LRRFIP1: variants seen among roughly 807,000 people sequenced by gnomAD.
The protein encoded by LRRFIP1 is leucine-rich repeat flightless-interacting protein 1.
Under a neutral mutation model 104.4 loss-of-function variants are expected in LRRFIP1, and 62 were observed. The ratio of observed to expected loss-of-function variants is 0.59; its 90% confidence interval spans 0.48 to 0.73. The LOEUF (loss-of-function observed/expected upper bound fraction) is 0.73. Among genes scored for constraint, LRRFIP1 ranks in the 30% least tolerant of loss-of-function variants. The pLI, the probability that LRRFIP1 is intolerant of heterozygous loss-of-function variation, is 0.00. For synonymous variants in LRRFIP1, 300 were observed against 299.0 expected (o/e 1.00, Z -0.03); for missense variants, 796 against 824.5 (o/e 0.97, Z 0.42).
At chr2:237,761,441 C>A (rs987416293) in intron 19 of LRRFIP1, among the ~76,000 whole-genome samples, 219 of 152,268 alleles carry the variant, frequency 1.4e-3, no homozygotes, top group African/African-American at 5.1e-3. Context: ...ATGAGCTACC[C>A]GAACAGCTAG....
At chr2:237,754,950 C>T (rs2059101210) in intron 15 of LRRFIP1, among the ~76,000 whole-genome samples, 1 of 152,140 alleles carries the variant, frequency 6.6e-6, no homozygotes, top group African/African-American at 2.4e-5. Flanking sequence ...CATGCAAAGC[C>T]CCACAGGAGG....
At chr2:237,714,641 T>TA (rs1293930301) in intron 3 of LRRFIP1, among the ~76,000 whole-genome samples, 2 of 152,344 alleles carry the variant, frequency 1.3e-5, no homozygotes, top group East Asian at 3.9e-4. Flanking sequence ...TTAGAAAACT[T>TA]AAAAAATTCC....
chr2:237,694,290 G>A (rs139430649), intron 1 of LRRFIP1, among the ~76,000 whole-genome samples: 174 of 152,282 alleles, frequency 1.1e-3, no homozygotes, highest in Non-Finnish European at 2.2e-3. Flanking sequence ...TCTGAATCAT[G>A]GCCCCAAGGG....
intron 1 of LRRFIP1, among the ~76,000 whole-genome samples, chr2:237,698,412 C>T (rs548506695): frequency 1.3e-5 from 2 of 152,390 alleles, no homozygotes; most frequent in African/African-American, 4.8e-5. Flanking sequence ...TCTTGACAGT[C>T]TGCACCTGCA....
At chr2:237,737,723 T>G (rs972171908) in intron 10 of LRRFIP1, among the ~76,000 whole-genome samples, 7 of 152,200 alleles carry the variant, frequency 4.6e-5, no homozygotes, top group Admixed American at 2.6e-4. Flanking sequence ...TTTCCTTATT[T>G]TCAACAAGAA....
At chr2:237,773,886 C>T (rs77824440) in intron 22 of LRRFIP1, 5,083 of 158,962 alleles carry the variant, frequency 0.032, 282 homozygotes, top group African/African-American at 0.11. Flanking sequence ...TCGCTGCTGC[C>T]GTCTTTCATC....
Position 237,766,755 on chromosome 2 carries a change from C to G in LRRFIP1, c.1460-3188C>G, listed in dbSNP as rs1279414622. ...AGGAAAAAGAAAGAGTTCTGAGCAG[C>G]CAAACCATTTCTCGATGATTTCAGA... On this transcript the variant is annotated intron_variant, in intron 19 of 23. Coordinates refer to ENST00000308482, the MANE Select transcript of LRRFIP1 (RefSeq NM_001137550.2). This position sits in a 1 kb window ranked among gnomAD's most constrained non-coding sequence, Gnocchi z 4.8. Among the ~76,000 whole-genome samples, 1 of 152,226 alleles carries G rather than the reference C, an allele frequency of 6.6e-6. No homozygotes were observed. Among genetic ancestry groups the G allele is most frequent in the Non-Finnish European group, 1.5e-5 (1 of 68,044 alleles).
Position 237,775,933 on chromosome 2 carries a change from TTTTA to T in LRRFIP1, c.1812+1487_1812+1490del, listed in dbSNP as rs1021136903. Among the ~76,000 whole-genome samples the T allele has an allele frequency of 6.6e-5, 10 of 152,124 alleles. No homozygotes were observed. In the East Asian group the frequency reaches 9.7e-4, roughly 15 times the overall value. On this transcript the variant is annotated intron_variant, in intron 23 of 23. Coordinates refer to ENST00000308482, the MANE Select transcript of LRRFIP1 (RefSeq NM_001137550.2). ...AAAGATGCCATTTCTCTCCTCTTTA[TTTTA>T]TTTATTTATTTATTTTATTTGATTT...
intron 1 of LRRFIP1, among the ~76,000 whole-genome samples, chr2:237,673,786 G>A (rs2149568889): frequency 6.6e-6 from 1 of 152,278 alleles, no homozygotes; most frequent in South Asian, 2.1e-4. Flanking sequence ...CAGCAGCTGT[G>A]GGAGGGCACG....
chr2:237,687,289 GT>G (rs2092441443), intron 1 of LRRFIP1, among the ~76,000 whole-genome samples: 1 of 152,198 alleles, frequency 6.6e-6, no homozygotes, highest in East Asian at 1.9e-4. Context: ...TATAACAGAT[GT>G]GTTTTTAGAT....
intron 10 of LRRFIP1, among the ~76,000 whole-genome samples, chr2:237,738,258 C>T (rs964481102): frequency 3.4e-5 from 5 of 147,948 alleles, no homozygotes; most frequent in East Asian, 2.0e-4. Flanking sequence ...CTTGAGCACC[C>T]GTGAAGATCT....
chr2:237,772,663 CAG>C (rs1321389744), intron 21 of LRRFIP1: 1 of 591,982 alleles, frequency 1.7e-6, no homozygotes, highest in Non-Finnish European at 3.0e-6. Context: ...GCCCCAAGCA[CAG>C]GGGCGGAAGG....
intron 15 of LRRFIP1, among the ~76,000 whole-genome samples, chr2:237,754,253 T>C (rs1312186652): frequency 2.6e-5 from 4 of 152,178 alleles, no homozygotes; most frequent in Non-Finnish European, 5.9e-5. Flanking sequence ...TTTCTGCTGA[T>C]TGGGAAAAGA....
At chr2:237,763,935 C>G (rs749833615) in intron 19 of LRRFIP1, 6 of 1,614,084 alleles carry the variant, frequency 3.7e-6, no homozygotes, top group Non-Finnish European at 5.1e-6. Context: ...ATTAGTGATG[C>G]CTGTGAAGCA....
chr2:237,631,483 C>T (rs1439672727), intron 1 of LRRFIP1, among the ~76,000 whole-genome samples: 3 of 152,134 alleles, frequency 2.0e-5, no homozygotes, highest in Non-Finnish European at 4.4e-5. Flanking sequence ...TATCGCAAGT[C>T]AATTATTTCT....
Position 237,733,836 on chromosome 2 carries a change from C to A in LRRFIP1, c.489+18C>A. ...GTTACCGGGTGCGTGTGCTGCCCAC[C>A]CTGCTGCCCCGCACCCCCTCCCACT... On this transcript the variant is annotated intron_variant, in intron 9 of 23. Transcript: ENST00000308482. 1 of 1,613,764 alleles carries A rather than the reference C, an allele frequency of 6.2e-7. No individual in the cohort carries two copies. Among genetic ancestry groups the A allele is most frequent in the Non-Finnish European group, 8.5e-7 (1 of 1,179,696 alleles).
At chr2:237,678,738 C>A (rs1469192996) in intron 1 of LRRFIP1, among the ~76,000 whole-genome samples, 1 of 152,084 alleles carries the variant, frequency 6.6e-6, no homozygotes, top group East Asian at 1.9e-4. Context: ...AAACTCCTGA[C>A]CTCAAGTGAT....
At chr2:237,718,463 CCTT>C (rs2094424981) in intron 4 of LRRFIP1, among the ~76,000 whole-genome samples, 1 of 152,208 alleles carries the variant, frequency 6.6e-6, no homozygotes, top group Non-Finnish European at 1.5e-5. Context: ...ATACTCCTGT[CCTT>C]CTGGCTTTCT....
intron 2 of LRRFIP1, among the ~76,000 whole-genome samples, chr2:237,713,240 GCT>G (rs1004908910): frequency 4.6e-4 from 70 of 152,318 alleles, no homozygotes; most frequent in African/African-American, 1.7e-3. Flanking sequence ...CCCACCCTGA[GCT>G]CTCTTTCTTG....
Sources: gnomAD v4.1 joint callset for allele counts (sites outside exome capture counted in the v4.1 genomes callset) on GRCh38, gnomAD v4.1.1 for gene constraint, Gnocchi (gnomAD v3.1) non-coding constraint, MANE v1.5 for transcripts, NCBI Gene and HGNC (gene_info 2026-07-23, HGNC 2026-07-21) for gene names.